NELL1: variants seen among roughly 807,000 people sequenced by gnomAD.
NELL1 encodes the protein protein kinase C-binding protein NELL1.
NELL1 carries 76 observed loss-of-function variants against 107.4 expected under a neutral mutation model. The ratio of observed to expected loss-of-function variants is 0.71; its 90% CI spans 0.59 to 0.86. The LOEUF (loss-of-function observed/expected upper bound fraction) is 0.86. Ranked by LOEUF, NELL1 falls within the 40% of genes least tolerant of loss-of-function variation. The probability of loss-of-function intolerance (pLI) is 0.00; values close to 1 mark genes in which losing one functional copy is unlikely to be tolerated. For synonymous variants in NELL1, 353 were observed against 341.2 expected (o/e 1.03, Z -0.38); for missense variants, 1,024 against 1,005.5 (o/e 1.02, Z -0.25).
intron 9 of NELL1, among the ~76,000 whole-genome samples, chr11:20,934,456 C>T (rs1850681947): frequency 6.6e-6 from 1 of 152,096 alleles, no homozygotes; most frequent in East Asian, 1.9e-4. Flanking sequence ...GATGTGTCTC[C>T]ATGTGTGGTG....
At chr11:20,816,031 G>A (rs970221036) in intron 3 of NELL1, among the ~76,000 whole-genome samples, 1 of 152,100 alleles carries the variant, frequency 6.6e-6, no homozygotes, top group African/African-American at 2.4e-5. Flanking sequence ...TTTTGTACCA[G>A]TACCTTGTTG....
At chr11:20,753,274 G>GA (rs910375192) in intron 2 of NELL1, among the ~76,000 whole-genome samples, 3 of 152,208 alleles carry the variant, frequency 2.0e-5, no homozygotes, top group African/African-American at 7.2e-5. Context: ...TTTTAATGGA[G>GA]AAATTTTGTA....
At chr11:21,300,252 A>T (rs1849464920) in intron 14 of NELL1, among the ~76,000 whole-genome samples, 1 of 152,000 alleles carries the variant, frequency 6.6e-6, no homozygotes, top group African/African-American at 2.4e-5. Context: ...CAGCAAAGGC[A>T]AAGCTGTGAG....
chr11:21,022,526 T>C (rs1320769137), intron 12 of NELL1, among the ~76,000 whole-genome samples: 1 of 152,116 alleles, frequency 6.6e-6, no homozygotes, highest in East Asian at 1.9e-4. Flanking sequence ...ATCAGTTGCT[T>C]TAATTTTCTC....
intron 15 of NELL1, among the ~76,000 whole-genome samples, chr11:21,414,482 G>C (rs1852455822): frequency 6.6e-6 from 1 of 151,988 alleles, no homozygotes. Flanking sequence ...TCATTGACTT[G>C]TGGGCATTCC....
chr11:21,122,728 T>C (rs1057350111), intron 13 of NELL1, among the ~76,000 whole-genome samples: 4 of 152,188 alleles, frequency 2.6e-5, no homozygotes, highest in Non-Finnish European at 5.9e-5. Flanking sequence ...CAGTATTCAC[T>C]GTACATCCTC....
At chr11:20,997,459 G>A (rs1379356041) in intron 12 of NELL1, among the ~76,000 whole-genome samples, 1 of 152,130 alleles carries the variant, frequency 6.6e-6, no homozygotes, top group African/African-American at 2.4e-5. Flanking sequence ...TGGGGATTGT[G>A]GAACAGAATA....
At chr11:20,914,095 T>C (rs1431633902) in intron 5 of NELL1, among the ~76,000 whole-genome samples, 2 of 152,110 alleles carry the variant, frequency 1.3e-5, no homozygotes, top group Non-Finnish European at 2.9e-5. Context: ...CATATTGTAG[T>C]GACCCAGCAC....
At chr11:20,742,798 G>A (rs528868410) in intron 2 of NELL1, among the ~76,000 whole-genome samples, 2 of 152,118 alleles carry the variant, frequency 1.3e-5, no homozygotes, top group Non-Finnish European at 2.9e-5. Flanking sequence ...TTTGAGTGAG[G>A]ACACAGCCAA....
At chr11:21,007,402 C>G (rs1437028001) in intron 12 of NELL1, among the ~76,000 whole-genome samples, 1 of 152,006 alleles carries the variant, frequency 6.6e-6, no homozygotes, top group African/African-American at 2.4e-5. Flanking sequence ...CACACACACA[C>G]ACACACACAC....
chr11:20,680,558 A>G (rs1854165987), intron 2 of NELL1, among the ~76,000 whole-genome samples: 1 of 152,278 alleles, frequency 6.6e-6, no homozygotes, highest in South Asian at 2.1e-4. Flanking sequence ...CAGGCATAAG[A>G]TACCAGTTAT....
At chr11:20,806,645 A>G (rs979420874) in intron 3 of NELL1, among the ~76,000 whole-genome samples, 2 of 150,926 alleles carry the variant, frequency 1.3e-5, no homozygotes, top group Non-Finnish European at 3.0e-5. Context: ...CTTTCTCTTT[A>G]CCTCCCCTTT....
intron 15 of NELL1, among the ~76,000 whole-genome samples, chr11:21,423,669 A>T (rs931485758): frequency 2.0e-5 from 3 of 152,172 alleles, no homozygotes; most frequent in Non-Finnish European, 2.9e-5. Context: ...ACAACAAAAG[A>T]ATACACATTT....
chr11:20,672,851 A>ATT (rs35403876), intron 1 of NELL1, among the ~76,000 whole-genome samples: 16,896 of 137,192 alleles, frequency 0.12, 1,170 homozygotes, highest in East Asian at 0.25. Flanking sequence ...AAAGGAGAGA[A>ATT]TTTTTTTTTT....
intron 14 of NELL1, among the ~76,000 whole-genome samples, chr11:21,365,862 C>T (rs1206882823): frequency 6.6e-6 from 1 of 152,048 alleles, no homozygotes; most frequent in African/African-American, 2.4e-5. Context: ...TACAATTTTG[C>T]TCCTGAAGAC....
chr11:21,252,395 G>T (rs1242747655), intron 14 of NELL1, among the ~76,000 whole-genome samples: 9 of 152,132 alleles, frequency 5.9e-5, no homozygotes, highest in African/African-American at 1.7e-4. Context: ...AATGGAGCTA[G>T]ATCAGGGATC....
At chr11:21,288,593 TA>T (rs1303331922) in intron 14 of NELL1, among the ~76,000 whole-genome samples, 2 of 152,214 alleles carry the variant, frequency 1.3e-5, no homozygotes, top group African/African-American at 4.8e-5. Flanking sequence ...ATAAGTTGCT[TA>T]ACCTCTCTGA....
rs557296199 is a variant in NELL1 at position 21,000,824 on chromosome 11, C to T, written c.1300+40264C>T. 4.5e-4 allele frequency: 68 copies of T among 152,318 alleles called. 1 individual carries two copies. Among genetic ancestry groups the T allele is most frequent in the African/African-American group, 1.6e-3 (66 of 41,560 alleles). 9.4% of individuals were successfully genotyped at this position (152,318 alleles called of 1,614,324 possible). A position where few individuals can be genotyped will look rare whatever the true frequency, so the allele number is the denominator to read the frequency against. On this transcript the variant is annotated intron_variant, in intron 12 of 19. Coordinates refer to ENST00000357134, the MANE Select transcript of NELL1 (RefSeq NM_006157.5). ...CGTAGAACAGAATAGCAGGTGGACACTCTACTCCCCCATTCCAGACAAGAT... is the reference window on the plus strand; with the variant it reads ...CGTAGAACAGAATAGCAGGTGGACATTCTACTCCCCCATTCCAGACAAGAT...
chr11:20,790,530 G>A (rs778989974), intron 3 of NELL1, among the ~76,000 whole-genome samples: 1 of 152,220 alleles, frequency 6.6e-6, no homozygotes, highest in Non-Finnish European at 1.5e-5. Context: ...AGGGATGCGT[G>A]GGCCCACAGC....
Sources: allele counts gnomAD v4.1 joint callset (sites outside exome capture counted in the v4.1 genomes callset), GRCh38; gene constraint gnomAD v4.1.1; transcripts MANE v1.5; gene names NCBI Gene and HGNC (gene_info 2026-07-23, HGNC 2026-07-21).